Variants in VPS41 observed in about 807,000 individuals in gnomAD.
The protein encoded by VPS41 is VPS41 subunit of HOPS complex.
VPS41 carries 85 observed loss-of-function variants against 130.9 expected under a neutral mutation model. That is an observed-to-expected ratio of 0.65 (90% confidence interval 0.55 to 0.78). The LOEUF (loss-of-function observed/expected upper bound fraction) is 0.78. Among genes scored for constraint, VPS41 ranks in the 30% least tolerant of loss-of-function variants. VPS41 has a pLI of 0.00. For missense variants in VPS41, 874 were observed against 1,018.7 expected (o/e 0.86, Z 1.93); for synonymous variants, 335 against 332.9 (o/e 1.01, Z -0.07).
intron 7 of VPS41, among the ~76,000 whole-genome samples, chr7:38,799,511 C>T (rs994634482): frequency 1.3e-5 from 2 of 151,932 alleles, no homozygotes; most frequent in Admixed American, 1.3e-4. Context: ...CATGACATGT[C>T]GCTACACAAC....
At chr7:38,796,949 G>C in intron 7 of VPS41, 85 bp from the exon 8 acceptor site, 5 of 1,508,618 alleles carry the variant, frequency 3.3e-6, no homozygotes, top group Non-Finnish European at 4.6e-6. Context: ...ACCTATCCTC[G>C]TGACCAAATA....
intron 19 of VPS41, 109 bp from the exon 20 acceptor site, chr7:38,755,045 G>A: frequency 1.0e-6 from 1 of 963,636 alleles, no homozygotes; most frequent in Admixed American, 2.3e-5. Context: ...GGCTTATTTT[G>A]TATACTTAAG....
intron 10 of VPS41, among the ~76,000 whole-genome samples, chr7:38,784,791 T>C (rs1784410185): frequency 1.3e-5 from 2 of 152,116 alleles, no homozygotes. Flanking sequence ...CCCCAGCCCC[T>C]CTCTTGAATT....
chr7:38,730,107 G>A (rs751834953), intron 25 of VPS41, among the ~76,000 whole-genome samples: 16 of 152,094 alleles, frequency 1.1e-4, no homozygotes, highest in Non-Finnish European at 1.6e-4. Flanking sequence ...AACAGACAGC[G>A]CTGTCTCACC....
At chr7:38,860,477 A>C (rs961568477) in intron 4 of VPS41, among the ~76,000 whole-genome samples, 1 of 152,022 alleles carries the variant, frequency 6.6e-6, no homozygotes, top group African/African-American at 2.4e-5. Context: ...CTATTGCTAT[A>C]GTTTAGTTTT....
intron 5 of VPS41, among the ~76,000 whole-genome samples, chr7:38,825,336 T>G (rs2190669): frequency 6.6e-6 from 1 of 152,196 alleles, no homozygotes; most frequent in Non-Finnish European, 1.5e-5. Context: ...CAAGGGTGAT[T>G]TGTAAAATCT....
intron 10 of VPS41, 54 bp from the exon 11 acceptor site, chr7:38,776,830 A>C (rs1012079022): frequency 9.1e-6 from 9 of 993,956 alleles, no homozygotes; most frequent in Admixed American, 1.8e-5. Flanking sequence ...ACAGCAGCAC[A>C]CATCTGGAGG....
Position 38,726,217 on chromosome 7 carries a change from T to C in VPS41, c.*29A>G, listed in dbSNP as rs1248531448. On this transcript the variant is annotated 3_prime_UTR_variant, in exon 29 of 29. Transcript: ENST00000310301. ...GCAAAAACAGTCTCAAAAAGAGTGG[T>C]GACAAGGAGACTGACAAGGAGAAAT... 4 of 1,516,416 alleles carry C rather than the reference T, an allele frequency of 2.6e-6. 1 individual carries two copies. In the South Asian group the frequency reaches 3.4e-5, roughly 13 times the overall value. 93.9% of individuals were successfully genotyped at this position (1,516,416 alleles called of 1,614,324 possible). A position where few individuals can be genotyped will look rare whatever the true frequency, so the allele number is the denominator to read the frequency against.
chr7:38,755,563 C>A (rs568505856), intron 19 of VPS41, among the ~76,000 whole-genome samples: 1 of 152,158 alleles, frequency 6.6e-6, no homozygotes. Flanking sequence ...GAGCCTCACA[C>A]GGAACACCTG....
chr7:38,848,366 G>A (rs1785772458), intron 4 of VPS41, among the ~76,000 whole-genome samples: 1 of 152,174 alleles, frequency 6.6e-6, no homozygotes, highest in Admixed American at 6.5e-5. Context: ...GTGTAAGAAT[G>A]GGTGTGTCGC....
At chr7:38,812,322 G>T (rs1220871841) in intron 7 of VPS41, among the ~76,000 whole-genome samples, 1 of 152,088 alleles carries the variant, frequency 6.6e-6, no homozygotes, top group Non-Finnish European at 1.5e-5. Context: ...CAGTGATGCT[G>T]GGCCAACTGG....
At chr7:38,767,356 A>T (rs1784066491) in intron 15 of VPS41, among the ~76,000 whole-genome samples, 181 bp downstream of exon 15, 1 of 152,208 alleles carries the variant, frequency 6.6e-6, no homozygotes, top group Admixed American at 6.5e-5. Context: ...CATTAAACTG[A>T]TTCTGTGCTT....
intron 1 of VPS41, among the ~76,000 whole-genome samples, chr7:38,908,062 A>G (rs537015530): frequency 6.6e-6 from 1 of 152,238 alleles, no homozygotes; most frequent in Non-Finnish European, 1.5e-5. Context: ...TATAAAATAT[A>G]TACAGAACAA....
intron 2 of VPS41, among the ~76,000 whole-genome samples, chr7:38,881,961 G>A (rs766913875): frequency 1.3e-5 from 2 of 152,022 alleles, no homozygotes; most frequent in African/African-American, 2.4e-5. Flanking sequence ...TGCCAGGCAA[G>A]GTGTCAAACA....
At position 38,728,782 on chromosome 7, in the gene VPS41, G is replaced by A; in HGVS notation, c.2269C>T (p.Arg757Cys). The A allele has an allele frequency of 6.2e-7, 1 of 1,614,068 alleles. No individual in the cohort carries two copies. Among genetic ancestry groups the A allele is most frequent in the Non-Finnish European group, 8.5e-7 (1 of 1,179,964 alleles). ...ACGAGAATCTTCTTGCAGCCTTCAC[G>A]AAGCAGAATCTAATGCATACATTTT... Reference protein sequence around the residue: ...LQDYNLQILLREGCKKILVAD... With the variant: ...LQDYNLQILLCEGCKKILVAD... The change falls in exon 26 of 29, where the codon CGT becomes TGT. Residue 757 changes from arginine to cysteine, a missense_variant. Transcript: ENST00000310301.
chr7:38,791,596 A>C (rs1784538267), intron 9 of VPS41, among the ~76,000 whole-genome samples: 1 of 152,166 alleles, frequency 6.6e-6, no homozygotes, highest in Admixed American at 6.5e-5. Context: ...TGTAAGTTGA[A>C]GCAGGAGAGA....
At chr7:38,766,817 G>A (rs1041969293) in intron 15 of VPS41, among the ~76,000 whole-genome samples, 2 of 152,164 alleles carry the variant, frequency 1.3e-5, no homozygotes, top group African/African-American at 4.8e-5. Context: ...CGACACGTTT[G>A]CTTCCCCTTC....
At chr7:38,805,351 G>A (rs1784818543) in intron 7 of VPS41, among the ~76,000 whole-genome samples, 1 of 152,070 alleles carries the variant, frequency 6.6e-6, no homozygotes, top group African/African-American at 2.4e-5. Flanking sequence ...TGGCCAACAT[G>A]GTGAAGCTCC....
chr7:38,772,765 G>GT, intron 12 of VPS41, 128 bp from the exon 13 acceptor site: 1 of 569,942 alleles, frequency 1.8e-6, no homozygotes, highest in South Asian at 2.5e-5. Flanking sequence ...TTTGTTGTGT[G>GT]TTTGGCTCTG....
Sources: gnomAD v4.1 joint callset for allele counts (sites outside exome capture counted in the v4.1 genomes callset) on GRCh38, gnomAD v4.1.1 for gene constraint, MANE v1.5 for transcripts, NCBI Gene and HGNC (gene_info 2026-07-23, HGNC 2026-07-21) for gene names.